PCDHA5: variants seen among roughly 807,000 people sequenced by gnomAD.
PCDHA5 encodes the protein protocadherin alpha 5.
In PCDHA5, 43 loss-of-function variants were observed where a neutral mutation model predicts 61.6. The ratio of observed to expected loss-of-function variants is 0.70; its 90% confidence interval spans 0.55 to 0.90. PCDHA5 has a LOEUF of 0.90. Ranked by LOEUF, PCDHA5 falls within the 40% of genes least tolerant of loss-of-function variation. The probability of loss-of-function intolerance (pLI) is 0.00; values close to 1 mark genes in which losing one functional copy is unlikely to be tolerated. For missense variants in PCDHA5, 1,298 were observed against 1,222.7 expected, an observed-to-expected ratio of 1.06 and a Z score of -0.92; for synonymous variants, 627 against 543.9, an observed-to-expected ratio of 1.15 and a Z score of -2.13.
rs374146742 is a variant in PCDHA5 at position 140,927,954 on chromosome 5, C to T, written c.2353-50995C>T. ...CGAACCCAGTACCTGAGGACGCTGC[C>T]CCTGGCACAGTGATTGCTCTCTTTA... On this transcript the variant is annotated intron_variant, in intron 1 of 3. Transcript: ENST00000529859. The T allele has an allele frequency of 5.2e-5, 84 of 1,614,080 alleles. No homozygotes were observed. In the African/African-American group the frequency reaches 1.0e-3, roughly 19 times the overall value.
intron 1 of PCDHA5, chr5:140,870,016 G>T (rs1554163708): frequency 6.2e-7 from 1 of 1,613,566 alleles, no homozygotes; most frequent in African/African-American, 1.3e-5. Flanking sequence ...GAGGGTCAAT[G>T]GAACTTTAGA....
At chr5:140,951,737 C>T (rs1223539805) in intron 1 of PCDHA5, among the ~76,000 whole-genome samples, 1 of 152,130 alleles carries the variant, frequency 6.6e-6, no homozygotes, top group Non-Finnish European at 1.5e-5. Context: ...CATTCTGCCA[C>T]TGCCCTCACC....
chr5:140,954,102 A>G (rs2094980163), intron 1 of PCDHA5, among the ~76,000 whole-genome samples: 1 of 152,186 alleles, frequency 6.6e-6, no homozygotes, highest in South Asian at 2.1e-4. Flanking sequence ...TGTCCCTGCA[A>G]AGGACAAGAT....
chr5:140,830,545 C>A, intron 1 of PCDHA5: 1 of 1,153,858 alleles, frequency 8.7e-7, no homozygotes, highest in Non-Finnish European at 1.2e-6. Flanking sequence ...TTGTTTTCCT[C>A]ATATTTGTCT....
intron 1 of PCDHA5, among the ~76,000 whole-genome samples, chr5:140,837,516 C>G (rs1775087693): frequency 1.3e-5 from 2 of 151,568 alleles, no homozygotes; most frequent in Admixed American, 6.6e-5. Flanking sequence ...AAGCAGTTTA[C>G]TTTTTTTGTA....
At chr5:140,968,835 A>C in intron 1 of PCDHA5, 2 of 1,614,194 alleles carry the variant, frequency 1.2e-6, no homozygotes, top group Non-Finnish European at 1.7e-6. Flanking sequence ...ATCCTCCCTG[A>C]CACTCAGAGG....
chr5:140,828,272 C>T (rs1301296827), intron 1 of PCDHA5: 2 of 1,614,040 alleles, frequency 1.2e-6, no homozygotes, highest in Non-Finnish European at 1.7e-6. Context: ...GGAGCTGGTG[C>T]CGCGCCTGTT....
intron 1 of PCDHA5, among the ~76,000 whole-genome samples, chr5:140,827,368 A>C (rs1554130769): frequency 6.6e-6 from 1 of 152,204 alleles, no homozygotes; most frequent in Non-Finnish European, 1.5e-5. Context: ...TTAAGCAAGA[A>C]TCCTAATATA....
chr5:140,929,496 G>T, intron 1 of PCDHA5: 14 of 989,736 alleles, frequency 1.4e-5, no homozygotes, highest in Non-Finnish European at 1.8e-5. Context: ...TTAGAAGATT[G>T]CCCTAGGCCT....
chr5:140,913,036 A>G (rs2076178944), intron 1 of PCDHA5, among the ~76,000 whole-genome samples: 3 of 152,190 alleles, frequency 2.0e-5, no homozygotes, highest in African/African-American at 7.2e-5. Context: ...CATCAGATAT[A>G]TTGGCCTGGA....
At chr5:140,982,816 G>A (rs970352633) in intron 3 of PCDHA5, among the ~76,000 whole-genome samples, 9 of 151,630 alleles carry the variant, frequency 5.9e-5, no homozygotes, top group Non-Finnish European at 1.0e-4. Flanking sequence ...TGTGTATGAA[G>A]TTTTTGGGGT....
At chr5:140,828,181 G>A (rs2150151926) in intron 1 of PCDHA5, 12 of 1,614,058 alleles carry the variant, frequency 7.4e-6, no homozygotes, top group Non-Finnish European at 9.3e-6. Flanking sequence ...GGAGCGGCCA[G>A]CTCCACTACT....
At chr5:140,961,652 G>A (rs2095627629) in intron 1 of PCDHA5, among the ~76,000 whole-genome samples, 1 of 152,212 alleles carries the variant, frequency 6.6e-6, no homozygotes, top group Non-Finnish European at 1.5e-5. Context: ...TATGTGGTTA[G>A]TTTGAAGTTA....
At chr5:140,887,101 CTT>C (rs200717289) in intron 1 of PCDHA5, among the ~76,000 whole-genome samples, 4 of 145,262 alleles carry the variant, frequency 2.8e-5, no homozygotes, top group African/African-American at 5.0e-5. Flanking sequence ...ATCTTTATCT[CTT>C]TTTTTTTTTT....
chr5:140,827,993 G>A (rs1554130961), intron 1 of PCDHA5: 2 of 1,474,758 alleles, frequency 1.4e-6, no homozygotes, highest in Non-Finnish European at 1.8e-6. Flanking sequence ...TTGAATGATG[G>A]CGGACGCAGA....
chr5:140,842,319 A>G (rs1777874490), intron 1 of PCDHA5: 10 of 1,608,046 alleles, frequency 6.2e-6, no homozygotes, highest in Non-Finnish European at 8.5e-6. Context: ...ATGGCGGGTC[A>G]TTGCACCGTT....
intron 1 of PCDHA5, chr5:140,831,298 C>G (rs2150193348): frequency 1.3e-5 from 2 of 152,070 alleles, no homozygotes; most frequent in Non-Finnish European, 2.9e-5. Context: ...GAGTCTAAAT[C>G]TATTTCTTTG....
intron 1 of PCDHA5, among the ~76,000 whole-genome samples, chr5:140,900,706 A>G (rs1279378955): frequency 6.6e-6 from 1 of 152,154 alleles, no homozygotes; most frequent in Admixed American, 6.5e-5. Flanking sequence ...GTTCTTTTGG[A>G]AAGAAAGGAA....
At chr5:140,854,178 A>AATT in intron 1 of PCDHA5, 6 of 531,176 alleles carry the variant, frequency 1.1e-5, no homozygotes, top group Non-Finnish European at 1.2e-5. Context: ...AAAAAAAAAG[A>AATT]GTAGTTTAAC....
Sources: gnomAD v4.1 joint callset for allele counts (sites outside exome capture counted in the v4.1 genomes callset) on GRCh38, gnomAD v4.1.1 for gene constraint, MANE v1.5 for transcripts, NCBI Gene and HGNC (gene_info 2026-07-23, HGNC 2026-07-21) for gene names.